The following CNTNAP5 variants were observed in gnomAD, a reference collection of about 807,000 sequenced individuals.
CNTNAP5 encodes contactin associated protein family member 5, also known as contactin-associated protein-like 5.
In CNTNAP5, 72 loss-of-function variants were observed where a neutral mutation model predicts 150.2. The ratio of observed to expected loss-of-function variants is 0.48; its 90% confidence interval spans 0.40 to 0.58. The LOEUF (loss-of-function observed/expected upper bound fraction) is 0.58. Ranked by LOEUF, CNTNAP5 falls within the 20% of genes least tolerant of loss-of-function variation. The pLI is 0.00. For missense variants in CNTNAP5, 1,636 were observed against 1,626.2 expected, an observed-to-expected ratio of 1.01 and a Z score of -0.10; for synonymous variants, 672 against 619.8, an observed-to-expected ratio of 1.08 and a Z score of -1.25.
intron 1 of CNTNAP5, among the ~76,000 whole-genome samples, chr2:124,051,143 G>A (rs1445890643): frequency 6.6e-6 from 1 of 152,048 alleles, no homozygotes; most frequent in African/African-American, 2.4e-5. Flanking sequence ...TTGAACATCT[G>A]CAATAGTTTG....
chr2:124,759,447 T>C (rs965687864), intron 14 of CNTNAP5, among the ~76,000 whole-genome samples: 1 of 146,976 alleles, frequency 6.8e-6, no homozygotes, highest in Non-Finnish European at 1.5e-5. Flanking sequence ...CACCACTAAT[T>C]GTTTCTTTCT....
intron 1 of CNTNAP5, among the ~76,000 whole-genome samples, chr2:124,123,386 A>G (rs1683614079): frequency 6.6e-6 from 1 of 152,156 alleles, no homozygotes; most frequent in Non-Finnish European, 1.5e-5. Flanking sequence ...AGGCTTGAGT[A>G]GGTAAACAAA....
chr2:124,434,222 G>T (rs961667641), intron 4 of CNTNAP5, among the ~76,000 whole-genome samples: 5 of 152,182 alleles, frequency 3.3e-5, no homozygotes, highest in Non-Finnish European at 7.3e-5. Context: ...TCCAGCAAAA[G>T]CTGACATATC....
At chr2:124,863,494 G>C (rs1010007534) in intron 19 of CNTNAP5, among the ~76,000 whole-genome samples, 1 of 152,314 alleles carries the variant, frequency 6.6e-6, no homozygotes, top group East Asian at 1.9e-4. Flanking sequence ...CACAGAAAGA[G>C]AATGAACCAG....
chr2:124,855,258 A>G (rs141318584), intron 19 of CNTNAP5, among the ~76,000 whole-genome samples: 2,388 of 138,808 alleles, frequency 0.017, 58 homozygotes, highest in African/African-American at 0.06. Context: ...GCTCACTGCA[A>G]CCTCCACCTC....
At chr2:124,339,917 G>A (rs1335754012) in intron 3 of CNTNAP5, among the ~76,000 whole-genome samples, 1 of 152,002 alleles carries the variant, frequency 6.6e-6, no homozygotes, top group East Asian at 1.9e-4. Flanking sequence ...TGAGTCACAA[G>A]TCTTGCTGGC....
chr2:124,395,174 G>A (rs1691214770), intron 3 of CNTNAP5, among the ~76,000 whole-genome samples: 1 of 152,110 alleles, frequency 6.6e-6, no homozygotes, highest in Non-Finnish European at 1.5e-5. Flanking sequence ...TATAATGAAG[G>A]TCAAATATGT....
intron 3 of CNTNAP5, among the ~76,000 whole-genome samples, chr2:124,367,892 A>T (rs1156489802): frequency 6.6e-6 from 1 of 152,018 alleles, no homozygotes; most frequent in African/African-American, 2.4e-5. Context: ...TTCTGAATGT[A>T]CTTGCTGTTC....
intron 12 of CNTNAP5, among the ~76,000 whole-genome samples, chr2:124,640,082 A>G (rs1678058996): frequency 6.6e-6 from 1 of 152,130 alleles, no homozygotes; most frequent in South Asian, 2.1e-4. Context: ...TCCAGTCCCT[A>G]ACATAGTGCT....
chr2:124,535,871 G>C (rs1180234480), intron 10 of CNTNAP5, among the ~76,000 whole-genome samples: 1 of 152,192 alleles, frequency 6.6e-6, no homozygotes, highest in Non-Finnish European at 1.5e-5. Context: ...TCAGGGTTTG[G>C]AGTACAGTAA....
intron 12 of CNTNAP5, among the ~76,000 whole-genome samples, chr2:124,616,741 T>C (rs1194710047): frequency 3.3e-5 from 5 of 152,180 alleles, no homozygotes; most frequent in Non-Finnish European, 7.4e-5. Flanking sequence ...TTCCTTTCAC[T>C]TGAATTCTTA....
intron 17 of CNTNAP5, among the ~76,000 whole-genome samples, chr2:124,780,717 G>T (rs1681431960): frequency 6.6e-6 from 1 of 152,162 alleles, no homozygotes; most frequent in Non-Finnish European, 1.5e-5. Context: ...GTAGTGAGAG[G>T]ATGTGCCCAG....
At chr2:124,438,328 C>T (rs763471625) in intron 5 of CNTNAP5, among the ~76,000 whole-genome samples, 65 of 152,160 alleles carry the variant, frequency 4.3e-4, no homozygotes, top group Admixed American at 1.2e-3. Flanking sequence ...TGCCCTCTGC[C>T]GAATTACAAT....
chr2:124,706,774 AAGAAGAAGAAGAAGAAGAAGAAGG>A (rs1558742898), intron 13 of CNTNAP5, among the ~76,000 whole-genome samples: 2 of 54,296 alleles, frequency 3.7e-5, no homozygotes, highest in Non-Finnish European at 7.0e-5. Context: ...GAAGAAGAAG[AAGAAGAAGAAGAAGAAGAAGAAGG>A]AGGAGGAGGA....
Position 124,474,806 on chromosome 2 carries a change from G to A in CNTNAP5, c.986G>A (p.Cys329Tyr), listed in dbSNP as rs1693600757. 1 of 1,605,800 alleles carries A rather than the reference G, an allele frequency of 6.2e-7. No homozygotes were observed. Reference sequence around the variant, plus strand: ...TTTTTAAAGAAAAACTTCCATGGATGCATCGAAAACCTTTACTACAATGGA... The same window carrying A: ...TTTTTAAAGAAAAACTTCCATGGATACATCGAAAACCTTTACTACAATGGA... ...GTFLKKNFHG[C>Y]IENLYYNGVN... is the part of the protein sequence containing the mutation. Residue 329 changes from cysteine to tyrosine, a missense_variant, in exon 7 of 24, where the codon TGC becomes TAC. Physicochemically the swap from Cys to Tyr is radical, Grantham distance 194 (BLOSUM62 -2). Coordinates refer to ENST00000682447, the MANE Select transcript of CNTNAP5 (RefSeq NM_001367498.1).
intron 1 of CNTNAP5, among the ~76,000 whole-genome samples, chr2:124,194,210 C>T (rs1445708388): frequency 1.3e-5 from 2 of 151,712 alleles, no homozygotes; most frequent in African/African-American, 4.8e-5. Flanking sequence ...ATTTCCAACA[C>T]TTGGTATACC....
chr2:124,780,227 G>T (rs1681420825), intron 17 of CNTNAP5, among the ~76,000 whole-genome samples: 3 of 152,114 alleles, frequency 2.0e-5, no homozygotes, highest in Admixed American at 2.0e-4. Flanking sequence ...TCTTTTAAGG[G>T]TTCTTAAATA....
At chr2:124,711,712 G>A (rs1014015427) in intron 13 of CNTNAP5, among the ~76,000 whole-genome samples, 3 of 152,132 alleles carry the variant, frequency 2.0e-5, no homozygotes, top group Non-Finnish European at 2.9e-5. Context: ...AGGGTGGCAC[G>A]TGCCTGTAGT....
intron 12 of CNTNAP5, among the ~76,000 whole-genome samples, chr2:124,643,436 G>T (rs1357446425): frequency 6.6e-6 from 1 of 151,938 alleles, no homozygotes; most frequent in African/African-American, 2.4e-5. Context: ...GGAATTTCAG[G>T]AAATGCAAAG....
Sources: gnomAD v4.1 joint callset for allele counts (sites outside exome capture counted in the v4.1 genomes callset) on GRCh38, gnomAD v4.1.1 for gene constraint, MANE v1.5 for transcripts, NCBI Gene and HGNC (gene_info 2026-07-23, HGNC 2026-07-21) for gene names.